The following FTO variants were observed in gnomAD, a reference collection of about 807,000 sequenced individuals.
FTO encodes FTO alpha-ketoglutarate dependent dioxygenase.
A neutral mutation model predicts 63.9 loss-of-function variants in FTO; 47 were observed. The ratio of observed to expected loss-of-function variants is 0.74; its 90% confidence interval spans 0.58 to 0.94. The LOEUF (loss-of-function observed/expected upper bound fraction) is 0.94, where lower values mean the gene tolerates loss of function less well. Among genes scored for constraint, FTO ranks in the 40% least tolerant of loss-of-function variants. The probability of loss-of-function intolerance (pLI) is 0.00; values close to 1 mark genes in which losing one functional copy is unlikely to be tolerated. For missense variants in FTO, 562 were observed against 618.1 expected (o/e 0.91, Z 0.96); for synonymous variants, 207 against 224.4 (o/e 0.92, Z 0.69).
In FTO at chr16:54,030,571, T is replaced by G. The variant is rs1455817192; in HGVS notation, c.1365-81191T>G. Among the ~76,000 whole-genome samples the G allele has an allele frequency of 2.0e-5, 3 of 152,148 alleles. No homozygotes were observed. In the East Asian group the frequency reaches 5.8e-4, roughly 29 times the overall value. ...AACTTAGTCCTCATTTTTTTTTGTT[T>G]GTTTTTCCTCTGATATGCAATGTAG... is the stretch of plus-strand genomic sequence containing the variant. On this transcript the variant is annotated intron_variant, in intron 8 of 8. Transcript: ENST00000471389.
At chr16:53,993,149 G>A (rs7194830) in intron 8 of FTO, 43,208 of 152,032 alleles carry the variant, frequency 0.28, 7,159 homozygotes, top group Non-Finnish European at 0.36. Context: ...GTCTTCAATC[G>A]TGCTTAAAAA....
intron 1 of FTO, among the ~76,000 whole-genome samples, chr16:53,768,746 A>G (rs1337661130): frequency 6.6e-6 from 1 of 152,030 alleles, no homozygotes; most frequent in African/African-American, 2.4e-5. Context: ...CTGCTTTTTT[A>G]TGATCTCAAG....
chr16:54,041,915 C>T (rs916117113), intron 8 of FTO, among the ~76,000 whole-genome samples: 7 of 152,122 alleles, frequency 4.6e-5, no homozygotes, highest in African/African-American at 7.2e-5. Context: ...TAGAAGAGCA[C>T]GGGAGAAGAT....
chr16:53,843,199 C>A (rs1049218125), intron 3 of FTO, among the ~76,000 whole-genome samples: 1 of 152,196 alleles, frequency 6.6e-6, no homozygotes, highest in Admixed American at 6.5e-5. Flanking sequence ...ACTTGCTCAA[C>A]AGTCATTTTA....
intron 4 of FTO, among the ~76,000 whole-genome samples, chr16:53,868,832 C>T (rs1052380662): frequency 6.6e-6 from 1 of 151,752 alleles, no homozygotes; most frequent in African/African-American, 2.4e-5. Flanking sequence ...TCCTTTCTTT[C>T]TTTCTTTTTG....
chr16:53,826,626 T>C, intron 3 of FTO, 135 bp downstream of exon 3: 3 of 780,836 alleles, frequency 3.8e-6, no homozygotes, highest in Non-Finnish European at 4.3e-6. Flanking sequence ...CATGCGTGTG[T>C]GTGTATCATG....
intron 8 of FTO, among the ~76,000 whole-genome samples, chr16:54,024,577 A>C (rs16952853): frequency 6.6e-6 from 1 of 152,158 alleles, no homozygotes; most frequent in Non-Finnish European, 1.5e-5. Flanking sequence ...AGAGAAGTAT[A>C]TAATTTTATC....
In FTO at chr16:53,785,498, T is replaced by C. The variant is rs149318405; in HGVS notation, c.46-24642T>C. On this transcript the variant is annotated intron_variant, in intron 1 of 8. Transcript: ENST00000471389. ...GGGATTGGGCCATTTGGGGAATGAA[T>C]TGATGAGAAAGAGAAAGTTGTGCAA... Among the ~76,000 whole-genome samples, 12 of 152,140 alleles carry C rather than the reference T, an allele frequency of 7.9e-5. No individual in the cohort carries two copies. The East Asian group carries it at 2.1e-3, about 27-fold the overall frequency.
chr16:54,005,019 G>A (rs6499663), intron 8 of FTO, among the ~76,000 whole-genome samples: 83,430 of 147,934 alleles, frequency 0.56, 25,369 homozygotes, highest in African/African-American at 0.78. Flanking sequence ...ACAGTGAGCC[G>A]AGATCGCGCC....
intron 8 of FTO, among the ~76,000 whole-genome samples, chr16:53,972,892 C>A (rs1289304530): frequency 6.6e-6 from 1 of 152,180 alleles, no homozygotes; most frequent in Non-Finnish European, 1.5e-5. Context: ...CCATATGGAG[C>A]TGCTTGCTTT....
chr16:54,036,784 G>A (rs1214977087), intron 8 of FTO, among the ~76,000 whole-genome samples: 2 of 152,146 alleles, frequency 1.3e-5, no homozygotes, highest in South Asian at 2.1e-4. Context: ...TTACCAAGAG[G>A]TATAGATGTG....
At chr16:53,837,910 A>G (rs932363599) in intron 3 of FTO, among the ~76,000 whole-genome samples, 2 of 152,136 alleles carry the variant, frequency 1.3e-5, no homozygotes, top group Admixed American at 6.5e-5. Context: ...ATTCTTTCCT[A>G]TGGTTCATAA....
At chr16:53,722,872 G>T (rs561971594) in intron 1 of FTO, among the ~76,000 whole-genome samples, 2 of 152,030 alleles carry the variant, frequency 1.3e-5, no homozygotes, top group African/African-American at 2.4e-5. Flanking sequence ...TGACAGAATA[G>T]ATCTGAGGAA....
chr16:53,826,583 A>T (rs1390429845), intron 3 of FTO, 92 bp downstream of exon 3: 3 of 1,218,210 alleles, frequency 2.5e-6, no homozygotes, highest in East Asian at 4.7e-5. Context: ...ATACATGAAC[A>T]TGTTTGCATG....
intron 8 of FTO, among the ~76,000 whole-genome samples, chr16:53,976,199 TAAAAACTATGTTTTTAAAG>T (rs1369812011): frequency 2.4e-4 from 36 of 152,348 alleles, no homozygotes; most frequent in African/African-American, 8.4e-4. Flanking sequence ...CAACTTTCTT[TAAAAACTATGTTTTTAAAG>T]AAATTCACTT....
At chr16:53,745,991 A>G (rs960122662) in intron 1 of FTO, among the ~76,000 whole-genome samples, 1 of 152,152 alleles carries the variant, frequency 6.6e-6, no homozygotes, top group Non-Finnish European at 1.5e-5. Context: ...ATACTGCATA[A>G]TGTATAACCC....
chr16:53,844,955 AG>A (rs1393326944), intron 4 of FTO, among the ~76,000 whole-genome samples: 2 of 151,216 alleles, frequency 1.3e-5, no homozygotes, highest in Non-Finnish European at 2.9e-5. Flanking sequence ...GTTTCTTCTC[AG>A]GAACAGCTGA....
At chr16:53,995,616 G>A (rs11076013) in intron 8 of FTO, among the ~76,000 whole-genome samples, 64,575 of 152,026 alleles carry the variant, frequency 0.42, 14,071 homozygotes, top group East Asian at 0.67. Context: ...TTACTAAAAT[G>A]AAACATGATG....
At chr16:53,827,955 T>C (rs2079053143) in intron 3 of FTO, among the ~76,000 whole-genome samples, 1 of 152,222 alleles carries the variant, frequency 6.6e-6, no homozygotes. Flanking sequence ...AAGATGTCTT[T>C]GTGCTCCCAA....
Sources: gnomAD v4.1 joint callset for allele counts (sites outside exome capture counted in the v4.1 genomes callset) on GRCh38, gnomAD v4.1.1 for gene constraint, MANE v1.5 for transcripts, NCBI Gene and HGNC (gene_info 2026-07-23, HGNC 2026-07-21) for gene names.